The following CDC42BPA variants were observed in gnomAD, a reference collection of about 807,000 sequenced individuals.
The protein encoded by CDC42BPA is serine/threonine-protein kinase MRCK alpha.
CDC42BPA carries 80 observed loss-of-function variants against 223.5 expected under a neutral mutation model. The observed-to-expected ratio is 0.36, with a 90% CI of 0.30 to 0.43. The LOEUF (loss-of-function observed/expected upper bound fraction) is 0.43. Ranked by LOEUF, CDC42BPA falls within the 20% of genes least tolerant of loss-of-function variation. CDC42BPA has a pLI of 1.00. For synonymous variants in CDC42BPA, 694 were observed against 718.6 expected (o/e 0.97, Z 0.55); for missense variants, 1,743 against 2,099.9 (o/e 0.83, Z 3.32).
chr1:227,278,249 A>C (rs1429026030), intron 1 of CDC42BPA, among the ~76,000 whole-genome samples: 1 of 152,156 alleles, frequency 6.6e-6, no homozygotes, highest in Non-Finnish European at 1.5e-5. Flanking sequence ...TTAAATTATA[A>C]CTCAAATGTT....
At chr1:227,003,859 G>C (rs1302739844) in intron 35 of CDC42BPA, among the ~76,000 whole-genome samples, 1 of 152,036 alleles carries the variant, frequency 6.6e-6, no homozygotes, top group Non-Finnish European at 1.5e-5. Context: ...CGGAGAGAGA[G>C]ACTAATAAAG....
chr1:227,030,175 T>C (rs1159251593), intron 29 of CDC42BPA, among the ~76,000 whole-genome samples: 2 of 151,400 alleles, frequency 1.3e-5, no homozygotes, highest in African/African-American at 4.8e-5. Context: ...CGTACAGAAC[T>C]GTTAAATAAA....
chr1:227,309,647 T>C (rs1693181388), intron 1 of CDC42BPA, among the ~76,000 whole-genome samples: 1 of 152,200 alleles, frequency 6.6e-6, no homozygotes, highest in Non-Finnish European at 1.5e-5. Flanking sequence ...ATGTAATCTC[T>C]TCAGATAGAC....
At chr1:227,139,529 C>T in intron 10 of CDC42BPA, 47 bp downstream of exon 10, 3 of 1,258,652 alleles carry the variant, frequency 2.4e-6, no homozygotes, top group Non-Finnish European at 3.2e-6. Context: ...GCTCATAACA[C>T]TGTGAGTACA....
chr1:227,176,089 A>G (rs1191977004), intron 5 of CDC42BPA, among the ~76,000 whole-genome samples: 3 of 152,116 alleles, frequency 2.0e-5, no homozygotes, highest in Non-Finnish European at 4.4e-5. Flanking sequence ...AGTAGCTGGG[A>G]CTACAGGCGT....
At chr1:227,087,009 T>C (rs1682085965) in intron 16 of CDC42BPA, among the ~76,000 whole-genome samples, 1 of 152,198 alleles carries the variant, frequency 6.6e-6, no homozygotes, top group South Asian at 2.1e-4. Flanking sequence ...CAAGTCTTTT[T>C]TCAGATAAAT....
chr1:227,107,086 A>G (rs937075694), intron 14 of CDC42BPA, among the ~76,000 whole-genome samples: 7 of 152,216 alleles, frequency 4.6e-5, no homozygotes, highest in African/African-American at 1.7e-4. Flanking sequence ...TTTCTGCAAA[A>G]AAGACTTTGA....
At position 227,055,536 on chromosome 1, in the gene CDC42BPA, T is replaced by A. The variant is rs548085677; in HGVS notation, c.2905-3551A>T. ...AATTGGCAATGACTCTGATATAGTA[T>A]AGCAGCAAAGCAACTGATTAATACC... On this transcript the variant is annotated intron_variant, in intron 21 of 36. Coordinates refer to ENST00000366766, the MANE Select transcript of CDC42BPA (RefSeq NM_001394014.1). Among the ~76,000 whole-genome samples the A allele has an allele frequency of 2.0e-5, 3 of 152,282 alleles. No individual in the cohort carries two copies. In the East Asian group the frequency reaches 5.8e-4, roughly 29 times the overall value.
chr1:227,280,154 A>G (rs1687773832), intron 1 of CDC42BPA, among the ~76,000 whole-genome samples: 1 of 152,250 alleles, frequency 6.6e-6, no homozygotes, highest in Non-Finnish European at 1.5e-5. Context: ...TCTGACTTTA[A>G]TTTTTAATTC....
chr1:227,202,760 CAAAA>C (rs35609906), intron 3 of CDC42BPA, among the ~76,000 whole-genome samples: 2 of 114,368 alleles, frequency 1.7e-5, no homozygotes, highest in Admixed American at 9.6e-5. Context: ...TCTCTACAGG[CAAAA>C]AAAAAAAAAA....
chr1:227,055,127 C>T (rs773246861), intron 21 of CDC42BPA, among the ~76,000 whole-genome samples: 13 of 151,568 alleles, frequency 8.6e-5, no homozygotes, highest in Non-Finnish European at 1.5e-4. Flanking sequence ...AGACAAAGGA[C>T]AAAGCTTGGT....
At chr1:227,117,307 T>C (rs1687917207) in intron 12 of CDC42BPA, among the ~76,000 whole-genome samples, 1 of 152,186 alleles carries the variant, frequency 6.6e-6, no homozygotes, top group African/African-American at 2.4e-5. Flanking sequence ...TAAATTGACC[T>C]ATAAATTCAG....
chr1:227,275,932 G>A (rs1373912431), intron 1 of CDC42BPA, among the ~76,000 whole-genome samples: 1 of 143,830 alleles, frequency 7.0e-6, no homozygotes, highest in Non-Finnish European at 1.5e-5. Flanking sequence ...GGAGTGCAGT[G>A]GCCTGATCTC....
At chr1:227,045,244 C>A (rs1331865415) in intron 23 of CDC42BPA, among the ~76,000 whole-genome samples, 2 of 152,298 alleles carry the variant, frequency 1.3e-5, no homozygotes, top group East Asian at 3.9e-4. Context: ...CCCTGCAACT[C>A]GATGGGACAT....
In CDC42BPA at chr1:227,091,721, C is replaced by A. The variant is rs1162407394; in HGVS notation, c.2355+165G>T. On this transcript the variant is annotated intron_variant, in intron 16 of 36. Coordinates refer to ENST00000366766, the MANE Select transcript of CDC42BPA (RefSeq NM_001394014.1). Reference sequence around the variant, plus strand: ...AACTCTCTCTTCAGAAGACTCCTATCAGATTATTATAACAAAGAATTGCAT... The same window carrying A: ...AACTCTCTCTTCAGAAGACTCCTATAAGATTATTATAACAAAGAATTGCAT... 3.3e-5 allele frequency among the ~76,000 whole-genome samples: 5 copies of A among 152,228 alleles called. No individual in the cohort carries two copies. The East Asian group carries it at 9.6e-4, about 29-fold the overall frequency.
intron 1 of CDC42BPA, among the ~76,000 whole-genome samples, chr1:227,256,642 G>T (rs1683072348): frequency 6.6e-6 from 1 of 151,980 alleles, no homozygotes; most frequent in East Asian, 1.9e-4. Flanking sequence ...AAATAAAACA[G>T]AAAATAACAA....
chr1:227,149,097 A>T (rs1461356002), intron 6 of CDC42BPA, among the ~76,000 whole-genome samples: 1 of 152,210 alleles, frequency 6.6e-6, no homozygotes, highest in African/African-American at 2.4e-5. Context: ...CTTTTGCCTT[A>T]AAACGTATAC....
chr1:227,100,716 T>A (rs977495617), intron 15 of CDC42BPA, among the ~76,000 whole-genome samples: 1 of 145,676 alleles, frequency 6.9e-6, no homozygotes, highest in African/African-American at 2.6e-5. Context: ...AGATTATAGG[T>A]GTGTGTGTGT....
chr1:227,147,658 CAT>C (rs1571972235), intron 6 of CDC42BPA, 99 bp from the exon 7 acceptor site: 1 of 578,540 alleles, frequency 1.7e-6, no homozygotes. Context: ...CTCATAAACA[CAT>C]CTTTGTCATT....
Sources: gnomAD v4.1 joint callset for allele counts (sites outside exome capture counted in the v4.1 genomes callset) on GRCh38, gnomAD v4.1.1 for gene constraint, MANE v1.5 for transcripts, NCBI Gene and HGNC (gene_info 2026-07-23, HGNC 2026-07-21) for gene names.